Variants in ZNF804A observed in about 807,000 individuals in gnomAD.
ZNF804A encodes the protein zinc finger protein 804A.
In ZNF804A, 2 loss-of-function variants were observed where a neutral mutation model predicts 16.5. That is an observed-to-expected ratio of 0.12 (90% CI 0.05 to 0.38). The LOEUF (loss-of-function observed/expected upper bound fraction) is 0.38. ZNF804A is among the 10% of genes least tolerant of loss of function. ZNF804A has a pLI of 0.99. For synonymous variants in ZNF804A, 534 were observed against 489.6 expected (o/e 1.09, Z -1.20); for missense variants, 1,473 against 1,390.7 (o/e 1.06, Z -0.94).
intron 1 of ZNF804A, among the ~76,000 whole-genome samples, chr2:184,718,119 G>T (rs1295929755): frequency 6.6e-6 from 1 of 152,202 alleles, no homozygotes; most frequent in African/African-American, 2.4e-5. Flanking sequence ...TCATAATCAT[G>T]GTGGATGGCA....
Position 184,832,436 on chromosome 2 carries a change from A to C in ZNF804A, c.112-33933A>C, listed in dbSNP as rs1695278277. 3.3e-5 allele frequency among the ~76,000 whole-genome samples: 5 copies of C among 152,062 alleles called. No individual in the cohort carries two copies. In the South Asian group the frequency reaches 1.0e-3, roughly 31 times the overall value. ...TAGAAAACACTCTTTTTTGGTTATAAGGTGTCACAAATTATTTGCAATGAA... is the reference window on the plus strand; with the variant it reads ...TAGAAAACACTCTTTTTTGGTTATACGGTGTCACAAATTATTTGCAATGAA... On this transcript the variant is annotated intron_variant, in intron 1 of 3. Coordinates refer to ENST00000302277, the MANE Select transcript of ZNF804A (RefSeq NM_194250.2).
Position 184,745,570 on chromosome 2 carries a change from AG to A in ZNF804A, c.112-120798del, listed in dbSNP as rs531389982. 3.4e-4 allele frequency among the ~76,000 whole-genome samples: 52 copies of A among 151,814 alleles called. No homozygotes were observed. In the South Asian group the frequency reaches 0.011, roughly 31 times the overall value. ...TGAAATATGAAGAACAAAAGCCTAAAGTCCTATTTATAGAGAAAAGAATGTT... is the reference window on the plus strand; with the variant it reads ...TGAAATATGAAGAACAAAAGCCTAAATCCTATTTATAGAGAAAAGAATGTT... On this transcript the variant is annotated intron_variant, in intron 1 of 3. Coordinates refer to ENST00000302277, the MANE Select transcript of ZNF804A (RefSeq NM_194250.2).
intron 1 of ZNF804A, among the ~76,000 whole-genome samples, chr2:184,711,600 CCTT>C (rs1188255814): frequency 5.3e-5 from 8 of 151,536 alleles, no homozygotes; most frequent in Non-Finnish European, 1.0e-4. Flanking sequence ...ATGAATCTCT[CCTT>C]CTATGTTTTC....
chr2:184,864,202 G>A (rs1480041395), intron 1 of ZNF804A, among the ~76,000 whole-genome samples: 1 of 152,136 alleles, frequency 6.6e-6, no homozygotes, highest in African/African-American at 2.4e-5. Flanking sequence ...AATGGAAGGG[G>A]AAGGGGAGCT....
chr2:184,792,253 A>G (rs1694556032), intron 1 of ZNF804A, among the ~76,000 whole-genome samples: 1 of 152,170 alleles, frequency 6.6e-6, no homozygotes. Flanking sequence ...TGTTTCTTCA[A>G]TCGTGGCTGT....
At chr2:184,918,237 A>C (rs2105835360) in intron 2 of ZNF804A, among the ~76,000 whole-genome samples, 1 of 152,268 alleles carries the variant, frequency 6.6e-6, no homozygotes, top group South Asian at 2.1e-4. Context: ...CAGAGACATA[A>C]GGAGCCCAAA....
At chr2:184,781,622 T>A (rs1418839602) in intron 1 of ZNF804A, among the ~76,000 whole-genome samples, 1 of 151,794 alleles carries the variant, frequency 6.6e-6, no homozygotes, top group Non-Finnish European at 1.5e-5. Flanking sequence ...GAGTCAAAAG[T>A]GCTGTGTACA....
Position 184,936,106 on chromosome 2 carries a change from G to C in ZNF804A, c.710G>C (p.Ser237Thr). The C allele has an allele frequency of 6.2e-7, 1 of 1,614,078 alleles. No homozygotes were observed. Among genetic ancestry groups the C allele is most frequent in the African/African-American group, 1.3e-5 (1 of 75,040 alleles). The change falls in exon 4 of 4, where the codon AGT becomes ACT. Residue 237 changes from serine (S) to threonine (T), a missense_variant. Transcript: ENST00000302277. ...TCAGCTGCAGCCTTCTCTGAATACAGTGATGATGCCTCAGTGGGAAAAGGA... is the reference window on the plus strand; with the variant it reads ...TCAGCTGCAGCCTTCTCTGAATACACTGATGATGCCTCAGTGGGAAAAGGA... ...ESSAAAFSEYSDDASVGKGFS... is the reference protein window; with the variant it reads ...ESSAAAFSEYTDDASVGKGFS...
At chr2:184,916,528 T>A (rs181392311) in intron 2 of ZNF804A, among the ~76,000 whole-genome samples, 1 of 152,266 alleles carries the variant, frequency 6.6e-6, no homozygotes, top group Admixed American at 6.5e-5. Flanking sequence ...TACATTCAAC[T>A]GTAAATAAGA....
chr2:184,642,506 A>C (rs1418428896), intron 1 of ZNF804A, among the ~76,000 whole-genome samples: 6 of 152,160 alleles, frequency 3.9e-5, no homozygotes, highest in Non-Finnish European at 8.8e-5. Flanking sequence ...ATAACCCGTA[A>C]TTGTTTTAAA....
intron 3 of ZNF804A, among the ~76,000 whole-genome samples, chr2:184,934,209 C>A (rs796213020): frequency 6.6e-6 from 1 of 152,042 alleles, no homozygotes; most frequent in Non-Finnish European, 1.5e-5. Context: ...ACATTAAGTG[C>A]GCTGTGAATA....
intron 1 of ZNF804A, among the ~76,000 whole-genome samples, chr2:184,788,684 G>A (rs988287929): frequency 2.6e-5 from 4 of 152,072 alleles, no homozygotes; most frequent in African/African-American, 7.2e-5. Context: ...CACTGATTTT[G>A]TATCCTGTGA....
chr2:184,606,252 G>A (rs185561675), intron 1 of ZNF804A, among the ~76,000 whole-genome samples: 101 of 152,234 alleles, frequency 6.6e-4, no homozygotes, highest in African/African-American at 2.1e-3. Flanking sequence ...ACATTTCCAC[G>A]TGGCTGGGGA....
intron 1 of ZNF804A, among the ~76,000 whole-genome samples, chr2:184,662,168 A>T (rs968802780): frequency 7.9e-5 from 12 of 152,182 alleles, no homozygotes; most frequent in African/African-American, 2.9e-4. Context: ...CTTGGGTTGA[A>T]TGTTTTGTTC....
chr2:184,740,995 A>G (rs1367456356), intron 1 of ZNF804A, among the ~76,000 whole-genome samples: 2 of 152,200 alleles, frequency 1.3e-5, no homozygotes, highest in East Asian at 3.8e-4. Flanking sequence ...TTGTAAAATT[A>G]TAAAGATTAG....
chr2:184,604,120 T>G (rs964495189), intron 1 of ZNF804A, among the ~76,000 whole-genome samples: 2 of 146,152 alleles, frequency 1.4e-5, no homozygotes, highest in African/African-American at 5.0e-5. Context: ...GCACCAATAG[T>G]TTCAGGTTAT....
intron 1 of ZNF804A, among the ~76,000 whole-genome samples, chr2:184,729,463 G>T (rs1347179279): frequency 6.6e-6 from 1 of 151,896 alleles, no homozygotes; most frequent in African/African-American, 2.4e-5. Flanking sequence ...TGGAACCCAT[G>T]ATTTCAAATC....
intron 1 of ZNF804A, among the ~76,000 whole-genome samples, chr2:184,754,664 T>C (rs1484082800): frequency 1.3e-5 from 2 of 151,978 alleles, no homozygotes; most frequent in African/African-American, 4.8e-5. Context: ...GAATTATATA[T>C]TTATCATTGC....
chr2:184,772,571 C>T (rs1023960840), intron 1 of ZNF804A, among the ~76,000 whole-genome samples: 1 of 151,738 alleles, frequency 6.6e-6, no homozygotes, highest in African/African-American at 2.4e-5. Flanking sequence ...GTCAATATTG[C>T]CACTATGACC....
Sources: allele counts gnomAD v4.1 joint callset (sites outside exome capture counted in the v4.1 genomes callset), GRCh38; gene constraint gnomAD v4.1.1; transcripts MANE v1.5; gene names NCBI Gene and HGNC (gene_info 2026-07-23, HGNC 2026-07-21).